TRHDE: variants seen among roughly 807,000 people sequenced by gnomAD.
TRHDE encodes thyrotropin releasing hormone degrading enzyme.
A neutral mutation model predicts 125.7 loss-of-function variants in TRHDE; 72 were observed. That is an observed-to-expected ratio of 0.57 (90% CI 0.47 to 0.70). The LOEUF (loss-of-function observed/expected upper bound fraction) is 0.70, where lower values mean the gene tolerates loss of function less well. Among genes scored for constraint, TRHDE ranks in the 30% least tolerant of loss-of-function variants. The pLI, the probability that TRHDE is intolerant of heterozygous loss-of-function variation, is 0.00. For synonymous variants in TRHDE, 509 were observed against 509.1 expected, an observed-to-expected ratio of 1.00 and a Z score of 0.00; for missense variants, 1,110 against 1,327.1, an observed-to-expected ratio of 0.84 and a Z score of 2.54.
intron 5 of TRHDE, among the ~76,000 whole-genome samples, chr12:72,498,584 A>G (rs976814962): frequency 6.6e-5 from 10 of 152,112 alleles, no homozygotes; most frequent in Non-Finnish European, 1.0e-4. Context: ...TCCTCCTTCA[A>G]TGAAGGCAGG....
intron 6 of TRHDE, among the ~76,000 whole-genome samples, chr12:72,520,086 G>A (rs1053690135): frequency 6.6e-5 from 10 of 152,224 alleles, no homozygotes; most frequent in African/African-American, 2.4e-4. Flanking sequence ...GGTTACTGCT[G>A]TCTTTTTGTT....
At chr12:72,175,125 T>C (rs1338239069) in intron 2 of TRHDE, among the ~76,000 whole-genome samples, 1 of 152,206 alleles carries the variant, frequency 6.6e-6, no homozygotes, top group African/African-American at 2.4e-5. Context: ...GTTGAAACTT[T>C]ATGCTCAGTG....
At chr12:72,248,479 A>G (rs942976157) in intron 2 of TRHDE, among the ~76,000 whole-genome samples, 2 of 127,746 alleles carry the variant, frequency 1.6e-5, no homozygotes, top group Non-Finnish European at 3.4e-5. Flanking sequence ...ATACATTTTA[A>G]AAAGAATCAA....
intron 2 of TRHDE, among the ~76,000 whole-genome samples, chr12:72,336,948 A>G (rs1426229970): frequency 6.6e-6 from 1 of 152,184 alleles, no homozygotes; most frequent in African/African-American, 2.4e-5. Context: ...GCAGACTGCC[A>G]GCATTGACAT....
chr12:72,353,449 G>A (rs1870676445), intron 2 of TRHDE, among the ~76,000 whole-genome samples: 1 of 151,506 alleles, frequency 6.6e-6, no homozygotes, highest in Non-Finnish European at 1.5e-5. Flanking sequence ...AAAAAATATA[G>A]TAAAAGATAA....
intron 15 of TRHDE, among the ~76,000 whole-genome samples, chr12:72,635,801 C>G (rs1034859786): frequency 6.6e-6 from 1 of 151,388 alleles, no homozygotes; most frequent in African/African-American, 2.4e-5. Flanking sequence ...TTGTCAAAGA[C>G]CAGATAGTTG....
chr12:72,487,263 G>T (rs921255585), intron 5 of TRHDE, among the ~76,000 whole-genome samples: 2 of 152,068 alleles, frequency 1.3e-5, no homozygotes, highest in African/African-American at 4.8e-5. Context: ...CTAAGTCTTG[G>T]AAGTGATATT....
chr12:72,155,802 A>T, intron 2 of TRHDE, among the ~76,000 whole-genome samples: 1 of 152,078 alleles, frequency 6.6e-6, no homozygotes, highest in East Asian at 1.9e-4. Context: ...GTCTGCCCCT[A>T]CTGGGGGGTG....
intron 6 of TRHDE, among the ~76,000 whole-genome samples, chr12:72,530,874 T>C (rs1404443297): frequency 1.3e-5 from 2 of 152,142 alleles, no homozygotes; most frequent in African/African-American, 4.8e-5. Flanking sequence ...TTTCTTTGTT[T>C]ACTAACTGCC....
intron 12 of TRHDE, among the ~76,000 whole-genome samples, chr12:72,616,538 G>A (rs527868875): frequency 1.4e-4 from 21 of 151,952 alleles, no homozygotes; most frequent in African/African-American, 3.9e-4. Flanking sequence ...GTTTCTTTCC[G>A]TAACATTATT....
intron 3 of TRHDE, among the ~76,000 whole-genome samples, chr12:72,449,979 A>G (rs544585228): frequency 4.0e-4 from 61 of 151,900 alleles, no homozygotes; most frequent in African/African-American, 1.4e-3. Context: ...CCATTCATTC[A>G]GTTGGGTAGT....
chr12:72,156,803 TA>T (rs2139325550), intron 2 of TRHDE, among the ~76,000 whole-genome samples: 1 of 152,356 alleles, frequency 6.6e-6, no homozygotes, highest in Non-Finnish European at 1.5e-5. Context: ...AATTGTCTCA[TA>T]CCAACCATAT....
At chr12:72,271,204 A>G (rs1194281053), upstream of TRHDE, among the ~76,000 whole-genome samples, 1 of 152,318 alleles carries the variant, frequency 6.6e-6, no homozygotes, top group South Asian at 2.1e-4. Flanking sequence ...TTAATGCTTC[A>G]TTGCTAACAT....
chr12:72,238,307 T>C lies in TRHDE; in HGVS notation n.279+132555T>C, dbSNP rs868269399. 3.4e-3 allele frequency among the ~76,000 whole-genome samples: 113 copies of C among 33,510 alleles called. 8 individuals carry two copies. Among genetic ancestry groups the C allele is most frequent in the African/African-American group, 7.5e-3 (71 of 9,440 alleles). The allele number at this position is 33,510 out of a possible 152,430, so 22.0% of individuals were successfully genotyped here. On this transcript the variant is annotated intron_variant and non_coding_transcript_variant, in intron 2 of 4. Transcript: ENST00000548156. ...ATATATATATATATATATATATATA[T>C]ATATATATATATATACATATATATA...
intron 3 of TRHDE, among the ~76,000 whole-genome samples, chr12:72,398,609 G>A (rs1872907194): frequency 6.6e-6 from 1 of 152,170 alleles, no homozygotes; most frequent in African/African-American, 2.4e-5. Context: ...CAAAATATCA[G>A]TGTTTTGTTT....
At chr12:72,124,858 A>G (rs1875676367) in intron 2 of TRHDE, among the ~76,000 whole-genome samples, 1 of 152,186 alleles carries the variant, frequency 6.6e-6, no homozygotes, top group Admixed American at 6.6e-5. Flanking sequence ...CAACATAACA[A>G]GATGCTGTCT....
intron 1 of TRHDE, among the ~76,000 whole-genome samples, chr12:72,101,029 T>C (rs1438682915): frequency 6.6e-6 from 1 of 152,222 alleles, no homozygotes; most frequent in Non-Finnish European, 1.5e-5. Context: ...TGTGCTAGTG[T>C]GACTGCAGTC....
chr12:72,313,826 G>A (rs1041739775), intron 2 of TRHDE, among the ~76,000 whole-genome samples: 1 of 152,186 alleles, frequency 6.6e-6, no homozygotes, highest in African/African-American at 2.4e-5. Flanking sequence ...GGGGAAGAGG[G>A]CAGATTTCTT....
At position 72,555,948 on chromosome 12, in the gene TRHDE, C is replaced by G. The variant is rs79506683; in HGVS notation, c.1789-6217C>G. Among the ~76,000 whole-genome samples the G allele has an allele frequency of 2.2e-3, 335 of 152,280 alleles. 2 individuals carry two copies. Among genetic ancestry groups the G allele is most frequent in the African/African-American group, 7.5e-3 (313 of 41,556 alleles). ...TTGGAAGCTTTGTTTAAGACAAAAA[C>G]TGTTGCTTTTTAAAATGTTTTTGTT... On this transcript the variant is annotated intron_variant, in intron 7 of 18. Coordinates refer to ENST00000261180, the MANE Select transcript of TRHDE (RefSeq NM_013381.3).
Sources: allele counts gnomAD v4.1 joint callset (sites outside exome capture counted in the v4.1 genomes callset), GRCh38; gene constraint gnomAD v4.1.1; transcripts MANE v1.5; gene names NCBI Gene and HGNC (gene_info 2026-07-23, HGNC 2026-07-21).